The following PTPRT variants were observed in gnomAD, a reference collection of about 807,000 sequenced individuals.
PTPRT encodes receptor-type tyrosine-protein phosphatase T.
PTPRT carries 56 observed loss-of-function variants against 176.8 expected under a neutral mutation model. That is an observed-to-expected ratio of 0.32 (90% CI 0.26 to 0.40). The LOEUF is 0.40. PTPRT is among the 10% of genes least tolerant of loss of function. The pLI, the probability that PTPRT is intolerant of heterozygous loss-of-function variation, is 1.00. For synonymous variants in PTPRT, 783 were observed against 739.0 expected (o/e 1.06, Z -0.96); for missense variants, 1,540 against 1,908.2 (o/e 0.81, Z 3.60).
intron 6 of PTPRT, among the ~76,000 whole-genome samples, chr20:42,743,873 A>G (rs1388039604): frequency 6.6e-6 from 1 of 152,136 alleles, no homozygotes; most frequent in Non-Finnish European, 1.5e-5. Context: ...TCAATGTTTG[A>G]ATGTGTTGCG....
chr20:42,754,737 C>T (rs1035868082), intron 6 of PTPRT, among the ~76,000 whole-genome samples: 6 of 152,120 alleles, frequency 3.9e-5, no homozygotes, highest in Non-Finnish European at 8.8e-5. Context: ...TGATCTTTGG[C>T]TTAAGTGTTC....
chr20:42,741,276 C>T (rs891821846), intron 6 of PTPRT, among the ~76,000 whole-genome samples: 3 of 152,180 alleles, frequency 2.0e-5, no homozygotes, highest in African/African-American at 7.2e-5. Flanking sequence ...TCAGATGTAG[C>T]CCCAGGAATG....
chr20:42,048,510 T>C, the PTPRT span, among the ~76,000 whole-genome samples: 1 of 152,150 alleles, frequency 6.6e-6, no homozygotes, highest in Non-Finnish European at 1.5e-5. Context: ...AGCCACTATA[T>C]AAGAATGCTA....
intron 18 of PTPRT, 124 bp downstream of exon 18, chr20:42,141,791 T>C (rs1988643651): frequency 1.1e-6 from 1 of 909,968 alleles, no homozygotes; most frequent in Admixed American, 1.8e-5. Flanking sequence ...TCTTGGCATG[T>C]AGATACAAAG....
chr20:42,713,321 A>G (rs536831013), intron 6 of PTPRT, among the ~76,000 whole-genome samples: 1 of 152,248 alleles, frequency 6.6e-6, no homozygotes, highest in East Asian at 1.9e-4. Context: ...AATGAGTAAC[A>G]TTGCAATATT....
intron 15 of PTPRT, among the ~76,000 whole-genome samples, chr20:42,212,388 T>C (rs958020605): frequency 2.6e-5 from 1 of 38,568 alleles, no homozygotes; most frequent in African/African-American, 9.4e-5. Context: ...GCTAGGAAAA[T>C]AAAGATGACC....
chr20:42,280,401 T>C (rs2057119768), intron 13 of PTPRT, among the ~76,000 whole-genome samples: 1 of 152,078 alleles, frequency 6.6e-6, no homozygotes. Flanking sequence ...TCTACCCCAT[T>C]CCCAAGTGCT....
At chr20:42,369,340 G>A (rs2058556803) in intron 9 of PTPRT, among the ~76,000 whole-genome samples, 1 of 152,144 alleles carries the variant, frequency 6.6e-6, no homozygotes. Context: ...CATGAACCGT[G>A]AGAGCACTCC....
Position 42,080,940 on chromosome 20 carries a change from G to T in PTPRT, c.4273-8C>A. The T allele has an allele frequency of 6.3e-7, 1 of 1,590,548 alleles. No homozygotes were observed. Among genetic ancestry groups the T allele is most frequent in the Non-Finnish European group, 8.6e-7 (1 of 1,159,184 alleles). On this transcript the variant is annotated splice_region_variant and splice_polypyrimidine_tract_variant and intron_variant, in intron 30 of 30. Transcript: ENST00000373187. Reference sequence around the variant, plus strand: ...TACAAATTTATACTGTTCCTGAGAGGCGGAGAGGAGCAGAGGCAGAGAGGG... The same window carrying T: ...TACAAATTTATACTGTTCCTGAGAGTCGGAGAGGAGCAGAGGCAGAGAGGG...
At chr20:42,814,516 T>G (rs1360031745) in intron 2 of PTPRT, among the ~76,000 whole-genome samples, 2 of 152,224 alleles carry the variant, frequency 1.3e-5, no homozygotes, top group Non-Finnish European at 2.9e-5. Flanking sequence ...TATGAATGAA[T>G]GAGCTGTTAT....
chr20:42,673,260 G>A (rs2075443201), intron 7 of PTPRT, among the ~76,000 whole-genome samples: 1 of 152,146 alleles, frequency 6.6e-6, no homozygotes, highest in Non-Finnish European at 1.5e-5. Flanking sequence ...CAAAGACCAA[G>A]CTATGGAATG....
Position 42,876,365 on chromosome 20 carries a change from CA to C in PTPRT, c.214+9441del, listed in dbSNP as rs527707337. ...GCCTCACATTAAAGGAAGAGTAGGT[CA>C]ATCTGAGAATAGATTACATCTTTCC... On this transcript the variant is annotated intron_variant, in intron 2 of 30. Transcript: ENST00000373187. Among the ~76,000 whole-genome samples, 188 of 152,268 alleles carry C rather than the reference CA, an allele frequency of 1.2e-3. 1 individual carries two copies. The highest frequency in any genetic ancestry group is 4.4e-3 in the African/African-American group (181 of 41,546).
intron 2 of PTPRT, among the ~76,000 whole-genome samples, chr20:42,826,617 G>C (rs573960980): frequency 2.7e-4 from 41 of 152,282 alleles, no homozygotes; most frequent in African/African-American, 9.6e-4. Flanking sequence ...TTCATATGCA[G>C]AGCAGTGACA....
At chr20:42,384,045 T>C (rs2058720314) in intron 9 of PTPRT, among the ~76,000 whole-genome samples, 1 of 152,200 alleles carries the variant, frequency 6.6e-6, no homozygotes, top group African/African-American at 2.4e-5. Flanking sequence ...AATATAAGTT[T>C]GACACAGGGC....
At chr20:42,899,840 T>G (rs572877879) in intron 1 of PTPRT, among the ~76,000 whole-genome samples, 1 of 152,336 alleles carries the variant, frequency 6.6e-6, no homozygotes, top group East Asian at 1.9e-4. Flanking sequence ...ACTTTCTTTG[T>G]GACTTTGGAT....
intron 16 of PTPRT, among the ~76,000 whole-genome samples, chr20:42,165,859 T>C (rs1266834070): frequency 6.6e-6 from 1 of 152,136 alleles, no homozygotes; most frequent in Non-Finnish European, 1.5e-5. Flanking sequence ...TGGAAATATA[T>C]TGCAAGCCAT....
intron 7 of PTPRT, among the ~76,000 whole-genome samples, chr20:42,583,483 G>A (rs578037356): frequency 6.6e-6 from 1 of 152,242 alleles, no homozygotes; most frequent in East Asian, 1.9e-4. Context: ...CATGACATTG[G>A]GCCTTGTCAT....
chr20:42,856,819 C>T (rs1169336814), intron 2 of PTPRT, among the ~76,000 whole-genome samples: 1 of 151,922 alleles, frequency 6.6e-6, no homozygotes, highest in Admixed American at 6.6e-5. Context: ...CCAACCTGAC[C>T]CTACATGTAT....
At chr20:42,693,551 C>A (rs1455854117) in intron 6 of PTPRT, among the ~76,000 whole-genome samples, 2 of 152,072 alleles carry the variant, frequency 1.3e-5, no homozygotes, top group Non-Finnish European at 2.9e-5. Flanking sequence ...AGGCAAGAAA[C>A]AAATCCACAT....
Sources: allele counts gnomAD v4.1 joint callset (sites outside exome capture counted in the v4.1 genomes callset), GRCh38; gene constraint gnomAD v4.1.1; transcripts MANE v1.5; gene names NCBI Gene and HGNC (gene_info 2026-07-23, HGNC 2026-07-21).